Variants in SUCLG2 observed in about 807,000 individuals in gnomAD.
The protein encoded by SUCLG2 is succinate--CoA ligase [GDP-forming] subunit beta, mitochondrial.
A neutral mutation model predicts 47.9 loss-of-function variants in SUCLG2; 42 were observed. That is an observed-to-expected ratio of 0.88 (90% CI 0.69 to 1.14). SUCLG2 has a LOEUF of 1.14. Ranked by LOEUF, SUCLG2 falls within the 50% of genes most tolerant of loss-of-function variation. The pLI, the probability that SUCLG2 is intolerant of heterozygous loss-of-function variation, is 0.00. For synonymous variants in SUCLG2, 195 were observed against 197.3 expected, an observed-to-expected ratio of 0.99 and a Z score of 0.10; for missense variants, 571 against 525.9, an observed-to-expected ratio of 1.09 and a Z score of -0.84.
intron 1 of SUCLG2, among the ~76,000 whole-genome samples, chr3:67,643,342 G>C (rs1701135677): frequency 6.6e-6 from 1 of 152,136 alleles, no homozygotes; most frequent in South Asian, 2.1e-4. Flanking sequence ...AATGTAAGTA[G>C]AGCTTACATT....
chr3:67,634,377 C>T (rs899049445), intron 1 of SUCLG2, among the ~76,000 whole-genome samples: 7 of 151,980 alleles, frequency 4.6e-5, no homozygotes, highest in African/African-American at 1.7e-4. Context: ...GAGCAAGACC[C>T]ACTCTCAATT....
At chr3:67,514,129 G>A (rs1575746971) in intron 6 of SUCLG2, 2 of 304,514 alleles carry the variant, frequency 6.6e-6, no homozygotes, top group African/African-American at 4.4e-5. Flanking sequence ...TGAAGATCCT[G>A]CCTTGATTTG....
chr3:67,398,191 G>C lies in SUCLG2; in HGVS notation c.1183+2540C>G, dbSNP rs1325344687. 4.7e-5 allele frequency among the ~76,000 whole-genome samples: 7 copies of C among 150,302 alleles called. 2 individuals are homozygous for C. The highest frequency in any genetic ancestry group is 8.9e-5 in the Non-Finnish European group (6 of 67,450). On this transcript the variant is annotated intron_variant, in intron 10 of 10. Coordinates refer to ENST00000307227, the MANE Select transcript of SUCLG2 (RefSeq NM_003848.4). ...AAATGGGATCTAATTAAACTAAAGA[G>C]CTTCTGCGCAGCAAAAGAAACTACC...
chr3:67,493,475 G>GT (rs1179643366), intron 9 of SUCLG2, among the ~76,000 whole-genome samples: 4 of 151,992 alleles, frequency 2.6e-5, no homozygotes, highest in Non-Finnish European at 5.9e-5. Flanking sequence ...GAAGAGAGTG[G>GT]TTTTTTTAAA....
chr3:67,401,595 A>AT (rs1409098244), intron 9 of SUCLG2, among the ~76,000 whole-genome samples: 1 of 149,832 alleles, frequency 6.7e-6, no homozygotes, highest in African/African-American at 2.5e-5. Flanking sequence ...AAAAAAACAA[A>AT]CTCTACTTGT....
chr3:67,635,067 A>G (rs1484206015), intron 1 of SUCLG2, among the ~76,000 whole-genome samples: 1 of 152,192 alleles, frequency 6.6e-6, no homozygotes, highest in African/African-American at 2.4e-5. Flanking sequence ...AGCTATTCTC[A>G]TCTATTATAC....
chr3:67,531,004 G>A (rs562594813), intron 2 of SUCLG2, among the ~76,000 whole-genome samples: 32 of 152,318 alleles, frequency 2.1e-4, no homozygotes, highest in African/African-American at 7.5e-4. Context: ...TCTTTGTAGA[G>A]AAGAAACAAC....
chr3:67,489,647 C>T (rs1705155438), intron 9 of SUCLG2, among the ~76,000 whole-genome samples: 1 of 152,166 alleles, frequency 6.6e-6, no homozygotes, highest in Non-Finnish European at 1.5e-5. Context: ...AAATAAATTC[C>T]TACAAGAGTT....
rs142253431 is a variant in SUCLG2 at position 67,645,081 on chromosome 3, C to A, written c.84+9422G>T. Among the ~76,000 whole-genome samples the A allele has an allele frequency of 6.2e-3, 945 of 152,186 alleles. 15 individuals are homozygous for A. Among genetic ancestry groups the A allele is most frequent in the African/African-American group, 0.022 (897 of 41,510 alleles). On this transcript the variant is annotated intron_variant, in intron 1 of 10. Transcript: ENST00000307227. ...TAAGCGTAACATTACTGATATACTG[C>A]CAATATTAAGCAAAATGAAATACCA...
chr3:67,518,996 G>C (rs961657476), intron 5 of SUCLG2, among the ~76,000 whole-genome samples: 5 of 151,930 alleles, frequency 3.3e-5, no homozygotes, highest in African/African-American at 1.2e-4. Flanking sequence ...ACCAATCACT[G>C]CAGTATGAGT....
intron 9 of SUCLG2, among the ~76,000 whole-genome samples, chr3:67,413,386 TC>T (rs1349497747): frequency 6.6e-6 from 1 of 152,196 alleles, no homozygotes; most frequent in African/African-American, 2.4e-5. Context: ...CATGTGGTCT[TC>T]CAGTCTGTCT....
intron 9 of SUCLG2, among the ~76,000 whole-genome samples, chr3:67,466,446 T>C (rs978844070): frequency 6.6e-5 from 10 of 152,220 alleles, no homozygotes; most frequent in Non-Finnish European, 1.2e-4. Flanking sequence ...CTGAAGGAAT[T>C]TGTAGAACAC....
At chr3:67,469,770 G>A (rs1704559928) in intron 9 of SUCLG2, among the ~76,000 whole-genome samples, 1 of 151,590 alleles carries the variant, frequency 6.6e-6, no homozygotes, top group Non-Finnish European at 1.5e-5. Context: ...TATGGCCCGG[G>A]CACGGTGGCT....
At chr3:67,545,445 T>G (rs747484289) in intron 2 of SUCLG2, among the ~76,000 whole-genome samples, 2 of 152,232 alleles carry the variant, frequency 1.3e-5, no homozygotes, top group African/African-American at 4.8e-5. Flanking sequence ...TGCTTTCAAA[T>G]TGCACTGAGT....
intron 10 of SUCLG2, among the ~76,000 whole-genome samples, chr3:67,386,507 G>A (rs1261344989): frequency 1.3e-5 from 2 of 152,182 alleles, no homozygotes; most frequent in African/African-American, 4.8e-5. Flanking sequence ...ATTGATAAAG[G>A]AAAGGGGTTT....
chr3:67,513,450 G>C lies in SUCLG2; in HGVS notation c.661-4547C>G, dbSNP rs371806893. On this transcript the variant is annotated intron_variant, in intron 6 of 10. Coordinates refer to ENST00000307227, the MANE Select transcript of SUCLG2 (RefSeq NM_003848.4). ...AAGACTAAAACATAATCTGATCTTG[G>C]AGACATCTCCAAACCAAGCTGGTTC... is the stretch of plus-strand genomic sequence containing the variant. 1.8e-4 allele frequency among the ~76,000 whole-genome samples: 27 copies of C among 152,288 alleles called. No individual in the cohort carries two copies. In the East Asian group the frequency reaches 5.2e-3, roughly 29 times the overall value.
chr3:67,501,474 G>C (rs1705494298), intron 7 of SUCLG2, among the ~76,000 whole-genome samples: 1 of 152,120 alleles, frequency 6.6e-6, no homozygotes, highest in African/African-American at 2.4e-5. Flanking sequence ...CTAAGCAATA[G>C]GGGTGCTAGG....
rs1348278000 is a variant in SUCLG2 at position 67,518,300 on chromosome 3, G to C, written c.607C>G (p.Gln203Glu). 8.1e-6 allele frequency: 13 copies of C among 1,612,306 alleles called. No homozygotes were observed. Among genetic ancestry groups the C allele is most frequent in the African/African-American group, 1.3e-5 (1 of 74,902 alleles). ...IDIFEGIKDSQAQRMAENLGF... is the reference protein window; with the variant it reads ...IDIFEGIKDSEAQRMAENLGF... ...AGATTTTCGGCCATCCGCTGAGCTT[G>C]GCTGTCCTTTATTCCTTCAAAAATG... The change falls in exon 6 of 11, where the codon CAA becomes GAA. Residue 203 changes from glutamine to glutamate, a missense_variant. Gln to Glu is a conservative substitution (Grantham distance 29, BLOSUM62 2). Coordinates refer to ENST00000307227, the MANE Select transcript of SUCLG2 (RefSeq NM_003848.4).
intron 9 of SUCLG2, among the ~76,000 whole-genome samples, chr3:67,431,731 C>A (rs1703487429): frequency 7.9e-6 from 1 of 126,486 alleles, no homozygotes; most frequent in African/African-American, 3.1e-5. Flanking sequence ...CACACCGGGG[C>A]ATGTCGTGGG....
Sources: gnomAD v4.1 joint callset for allele counts (sites outside exome capture counted in the v4.1 genomes callset) on GRCh38, gnomAD v4.1.1 for gene constraint, MANE v1.5 for transcripts, NCBI Gene and HGNC (gene_info 2026-07-23, HGNC 2026-07-21) for gene names.